TRABD2B: variants seen among roughly 807,000 people sequenced by gnomAD.
TRABD2B encodes metalloprotease TIKI2.
In TRABD2B, 14 loss-of-function variants were observed where a neutral mutation model predicts 40.1. The ratio of observed to expected loss-of-function variants is 0.35; its 90% CI spans 0.23 to 0.55. TRABD2B has a LOEUF of 0.55. Among genes scored for constraint, TRABD2B ranks in the 20% least tolerant of loss-of-function variants. The pLI, the probability that TRABD2B is intolerant of heterozygous loss-of-function variation, is 0.90. For missense variants in TRABD2B, 541 were observed against 648.6 expected (o/e 0.83, Z 1.80); for synonymous variants, 263 against 277.0 (o/e 0.95, Z 0.50).
intron 3 of TRABD2B, among the ~76,000 whole-genome samples, chr1:47,796,530 C>T (rs76727477): frequency 0.02 from 3,114 of 152,324 alleles, 46 homozygotes; most frequent in Middle Eastern, 0.041. Context: ...CCCTAAGGGA[C>T]TCTAAGGAGG....
At chr1:47,817,998 T>C (rs958988039) in intron 2 of TRABD2B, 1 of 152,278 alleles carries the variant, frequency 6.6e-6, no homozygotes, top group Non-Finnish European at 1.5e-5. Flanking sequence ...TCAGAAAATA[T>C]GTAACAAATT....
chr1:47,822,661 T>G (rs1411787485), intron 2 of TRABD2B, among the ~76,000 whole-genome samples: 1 of 152,240 alleles, frequency 6.6e-6, no homozygotes, highest in Non-Finnish European at 1.5e-5. Flanking sequence ...TTAATAACTC[T>G]TTTAATCCTA....
intron 2 of TRABD2B, among the ~76,000 whole-genome samples, chr1:47,879,827 A>G (rs1644277143): frequency 6.6e-6 from 1 of 152,204 alleles, no homozygotes; most frequent in South Asian, 2.1e-4. Flanking sequence ...TGGTTGATGC[A>G]GTGTAGGGCT....
chr1:47,887,581 C>T (rs535207665), intron 2 of TRABD2B, among the ~76,000 whole-genome samples: 14 of 130,338 alleles, frequency 1.1e-4, no homozygotes, highest in African/African-American at 4.1e-4. Flanking sequence ...GGGTGGGGGC[C>T]GGCGGGGGGT....
At chr1:47,794,480 C>T (rs1391637278) in intron 4 of TRABD2B, 106 bp downstream of exon 4, 15 of 1,295,976 alleles carry the variant, frequency 1.2e-5, no homozygotes, top group Admixed American at 3.1e-5. Context: ...CTTTTCCTGC[C>T]CCATCCTGGG....
chr1:47,818,242 T>C (rs927789258), intron 2 of TRABD2B: 10 of 152,460 alleles, frequency 6.6e-5, no homozygotes, highest in East Asian at 1.9e-4. Flanking sequence ...GGGGACGTGA[T>C]GCCCACCAGC....
At chr1:47,863,597 T>C (rs141797996) in intron 2 of TRABD2B, among the ~76,000 whole-genome samples, 1 of 152,040 alleles carries the variant, frequency 6.6e-6, no homozygotes, top group Non-Finnish European at 1.5e-5. Flanking sequence ...AGAACACTGA[T>C]AGTGCCCAGT....
At chr1:47,958,189 T>A (rs1380143509) in intron 2 of TRABD2B, among the ~76,000 whole-genome samples, 1 of 147,630 alleles carries the variant, frequency 6.8e-6, no homozygotes, top group East Asian at 2.0e-4. Flanking sequence ...AGGCCTGCCT[T>A]ACAAGAGCTC....
intron 2 of TRABD2B, among the ~76,000 whole-genome samples, chr1:47,872,105 C>T (rs1644149804): frequency 6.6e-6 from 1 of 152,202 alleles, no homozygotes; most frequent in South Asian, 2.1e-4. Context: ...CGGTCTGATG[C>T]ACCTTGGGAG....
intron 2 of TRABD2B, among the ~76,000 whole-genome samples, chr1:47,931,860 AC>A (rs373883276): frequency 1.8e-4 from 28 of 152,274 alleles, no homozygotes; most frequent in Middle Eastern, 3.4e-3. Flanking sequence ...GCAATAGATA[AC>A]CCCAACATCC....
chr1:47,909,581 AGGAGGAGG>A lies in TRABD2B; in HGVS notation c.666+84445_666+84452del, dbSNP rs1444263978. The stretch of plus-strand genomic sequence containing the variant: ...AAGAAGGAGGAGGAGGAGGAGGAGG[AGGAGGAGG>A]AGGAGGAGGAGGAGCCAGACTCTTT... On this transcript the variant is annotated intron_variant, in intron 2 of 6. Coordinates refer to ENST00000606738, the MANE Select transcript of TRABD2B (RefSeq NM_001194986.2). 1.1e-3 allele frequency among the ~76,000 whole-genome samples: 155 copies of A among 145,020 alleles called. 1 individual carries two copies. The East Asian group carries it at 0.015, about 14-fold the overall frequency.
chr1:47,927,590 G>C (rs1644986357), intron 2 of TRABD2B, among the ~76,000 whole-genome samples: 1 of 152,140 alleles, frequency 6.6e-6, no homozygotes, highest in African/African-American at 2.4e-5. Flanking sequence ...AAAACACTGA[G>C]GCCATAAAAA....
chr1:47,991,766 C>T (rs1248762493), intron 2 of TRABD2B, among the ~76,000 whole-genome samples: 3 of 151,990 alleles, frequency 2.0e-5, no homozygotes, highest in East Asian at 3.9e-4. Flanking sequence ...AGTAATGCTG[C>T]GAGGAAAGAA....
intron 2 of TRABD2B, among the ~76,000 whole-genome samples, chr1:47,857,056 G>T (rs572866174): frequency 6.6e-6 from 1 of 152,326 alleles, no homozygotes; most frequent in Non-Finnish European, 1.5e-5. Flanking sequence ...CACTGCCTTC[G>T]GTCCTTGAGC....
At chr1:47,974,595 T>C (rs1228138188) in intron 2 of TRABD2B, among the ~76,000 whole-genome samples, 1 of 152,246 alleles carries the variant, frequency 6.6e-6, no homozygotes, top group Non-Finnish European at 1.5e-5. Context: ...AAAATAAATC[T>C]TTTATGTTTT....
intron 4 of TRABD2B, among the ~76,000 whole-genome samples, chr1:47,783,992 C>A (rs1478566400): frequency 6.6e-6 from 1 of 152,238 alleles, no homozygotes; most frequent in African/African-American, 2.4e-5. Context: ...CTCATGGGTC[C>A]TCCCACCTCT....
At chr1:47,790,604 T>G (rs1340462432) in intron 4 of TRABD2B, among the ~76,000 whole-genome samples, 1 of 152,240 alleles carries the variant, frequency 6.6e-6, no homozygotes, top group Non-Finnish European at 1.5e-5. Context: ...CACTTTTGTA[T>G]GCATACAGCA....
chr1:47,983,819 C>A (rs1645877432), intron 2 of TRABD2B, among the ~76,000 whole-genome samples: 1 of 150,164 alleles, frequency 6.7e-6, no homozygotes, highest in African/African-American at 2.4e-5. Flanking sequence ...TTGTTGGGGA[C>A]GGGAGGGAAC....
intron 2 of TRABD2B, among the ~76,000 whole-genome samples, chr1:47,897,326 G>A (rs1170607605): frequency 6.6e-6 from 1 of 152,128 alleles, no homozygotes; most frequent in Non-Finnish European, 1.5e-5. Flanking sequence ...GCGAGCTGGG[G>A]GCAGCTGATC....
Sources: allele counts gnomAD v4.1 joint callset (sites outside exome capture counted in the v4.1 genomes callset), GRCh38; gene constraint gnomAD v4.1.1; transcripts MANE v1.5; gene names NCBI Gene and HGNC (gene_info 2026-07-23, HGNC 2026-07-21).